The following SEC61A1 variants were observed in gnomAD, a reference collection of about 807,000 sequenced individuals.
SEC61A1 encodes SEC61 translocon subunit alpha 1, also known as protein transport protein Sec61 subunit alpha isoform 1.
Under a neutral mutation model 55.2 loss-of-function variants are expected in SEC61A1, and 15 were observed. The ratio of observed to expected loss-of-function variants is 0.27; its 90% CI spans 0.18 to 0.42. The LOEUF is 0.42. SEC61A1 is among the 10% of genes least tolerant of loss of function. SEC61A1 has a pLI of 1.00. For missense variants in SEC61A1, 284 were observed against 602.6 expected (o/e 0.47, Z 5.53); for synonymous variants, 247 against 234.0 (o/e 1.06, Z -0.51).
rs9848345 is a variant in SEC61A1 at position 128,060,377 on chromosome 3, C to T, written c.463-131C>T. 0.23 allele frequency: 260,482 copies of T among 1,127,860 alleles called. 31,459 individuals are homozygous for T. Among genetic ancestry groups the T allele is most frequent in the South Asian group, 0.26 (18,043 of 68,350 alleles). The allele number at this position is 1,127,860 out of a possible 1,614,324, so 69.9% of individuals were successfully genotyped here. Reference sequence around the variant, plus strand: ...TTCAGCAGAGAAAGGCTTTACTGACCGCTCTCTGGGGCTGAGGATGTGATC... The same window carrying T: ...TTCAGCAGAGAAAGGCTTTACTGACTGCTCTCTGGGGCTGAGGATGTGATC... On this transcript the variant is annotated intron_variant, in intron 6 of 11. Coordinates refer to ENST00000243253, the MANE Select transcript of SEC61A1 (RefSeq NM_013336.4).
In SEC61A1 at chr3:128,060,407, T is replaced by C. The variant is rs557374623; in HGVS notation, c.463-101T>C. 3.9e-5 allele frequency: 51 copies of C among 1,321,944 alleles called. No individual in the cohort carries two copies. In the South Asian group the frequency reaches 6.1e-4, roughly 16 times the overall value. 81.9% of individuals were successfully genotyped at this position (1,321,944 alleles called of 1,614,324 possible). The stretch of plus-strand genomic sequence containing the variant: ...TCTGGGGCTGAGGATGTGATCTCAT[T>C]CCGTCTTCAGCGTTTATATCAGAGA... On this transcript the variant is annotated intron_variant, in intron 6 of 11. Coordinates refer to ENST00000243253, the MANE Select transcript of SEC61A1 (RefSeq NM_013336.4).
intron 4 of SEC61A1, 67 bp from the exon 5 acceptor site, chr3:128,056,642 C>T: frequency 7.3e-7 from 1 of 1,367,354 alleles, no homozygotes; most frequent in Non-Finnish European, 9.6e-7. Context: ...TTTGCGTATT[C>T]ATTTTTAAAA....
At chr3:128,065,360 C>T (rs2107648188) in intron 8 of SEC61A1, 2 of 579,360 alleles carry the variant, frequency 3.5e-6, no homozygotes, top group East Asian at 2.8e-5. Context: ...TCTGAAACCT[C>T]ATTGCTCTCT....
Position 128,067,824 on chromosome 3 carries a change from T to C in SEC61A1, c.1168-159T>C, listed in dbSNP as rs761480556. 4.2e-6 allele frequency: 3 copies of C among 717,096 alleles called. No individual in the cohort carries two copies. The highest frequency in any genetic ancestry group is 4.8e-6 in the Non-Finnish European group (2 of 416,438). 44.4% of individuals were successfully genotyped at this position (717,096 alleles called of 1,614,324 possible). On this transcript the variant is annotated intron_variant, in intron 10 of 11. Coordinates refer to ENST00000243253, the MANE Select transcript of SEC61A1 (RefSeq NM_013336.4). The surrounding 1 kb of genome is among the most constrained non-coding windows in gnomAD (Gnocchi z 4.1). ...AGAATCTGAATCCACACTGTAAAGT[T>C]AGACTTTTTCATATGACTTCCTTGC...
At position 128,055,678 on chromosome 3, in the gene SEC61A1, C is replaced by T; in HGVS notation, c.147C>T (p.Pro49=). ...LFIFLVCCQI[P]LFGIMSSDSA... Reference sequence around the variant, plus strand: ...TGCTCTTTGCCTGTTCCCAGATTCCCCTGTTTGGGATCATGTCTTCAGATT... The same window carrying T: ...TGCTCTTTGCCTGTTCCCAGATTCCTCTGTTTGGGATCATGTCTTCAGATT... Residue 49 remains proline, a synonymous_variant, in exon 4 of 12, where the codon CCC becomes CCT. Coordinates refer to ENST00000243253, the MANE Select transcript of SEC61A1 (RefSeq NM_013336.4). The T allele has an allele frequency of 6.2e-7, 1 of 1,614,008 alleles. No homozygotes were observed. The highest frequency in any genetic ancestry group is 8.5e-7 in the Non-Finnish European group (1 of 1,179,912).
At chr3:128,058,030 T>A (rs1252739855) in intron 5 of SEC61A1, among the ~76,000 whole-genome samples, 1 of 152,128 alleles carries the variant, frequency 6.6e-6, no homozygotes, top group African/African-American at 2.4e-5. Context: ...TAAGTGTTAC[T>A]AGTAACAATT....
intron 8 of SEC61A1, 137 bp from the exon 9 acceptor site, chr3:128,066,817 G>A (rs1055539554): frequency 1.9e-5 from 14 of 751,940 alleles, no homozygotes; most frequent in African/African-American, 7.0e-5. Context: ...ACAAGCTCTC[G>A]GAACTGGGAG....
Position 128,069,493 on chromosome 3 carries a change from C to A in SEC61A1, c.1262C>A (p.Ala421Glu). 6.2e-7 allele frequency: 1 copy of A among 1,612,438 alleles called. No homozygotes were observed. Among genetic ancestry groups the A allele is most frequent in the Non-Finnish European group, 8.5e-7 (1 of 1,180,000 alleles). Residue 421 changes from alanine (A) to glutamate (E), a missense_variant, in exon 12 of 12, where the codon GCG becomes GAG. Transcript: ENST00000243253. ...HELNRYIPTAAAFGGLCIGAL... is the reference protein window; with the variant it reads ...HELNRYIPTAEAFGGLCIGAL... ...TCCCCCAGGTACATCCCCACAGCCGCGGCCTTTGGTGGGCTGTGCATCGGG... is the reference window on the plus strand; with the variant it reads ...TCCCCCAGGTACATCCCCACAGCCGAGGCCTTTGGTGGGCTGTGCATCGGG...
Position 128,056,828 on chromosome 3 carries a change from G to A in SEC61A1, c.340G>A (p.Gly114Arg). 2 of 1,595,120 alleles carry A rather than the reference G, an allele frequency of 1.3e-6. No homozygotes were observed. The highest frequency in any genetic ancestry group is 1.7e-6 in the Non-Finnish European group (2 of 1,170,908). ...DTPKDRALFNGAQKLFGMIIT... is the reference protein window; with the variant it reads ...DTPKDRALFNRAQKLFGMIIT... ...CCCAAAAGACCGAGCTCTCTTCAACGGAGCCCAAAAGTGTAAGAAAGATTG... is the reference window on the plus strand; with the variant it reads ...CCCAAAAGACCGAGCTCTCTTCAACAGAGCCCAAAAGTGTAAGAAAGATTG... The change falls in exon 5 of 12, where the codon GGA (glycine) becomes AGA (arginine). Residue 114 changes from glycine to arginine, a missense_variant. By Grantham distance (125) the Gly-to-Arg change is moderately radical. Coordinates refer to ENST00000243253, the MANE Select transcript of SEC61A1 (RefSeq NM_013336.4).
intron 7 of SEC61A1, among the ~76,000 whole-genome samples, chr3:128,062,087 AG>A (rs1179718017): frequency 6.6e-6 from 1 of 152,240 alleles, no homozygotes; most frequent in Non-Finnish European, 1.5e-5. Context: ...AAGTTGAGAG[AG>A]GGGACCAGAG....
upstream of SEC61A1, chr3:128,051,660 G>C: frequency 2.1e-6 from 3 of 1,417,160 alleles, no homozygotes; most frequent in Non-Finnish European, 2.8e-6. Context: ...GCCATGCTTT[G>C]CCCACAACAG....
chr3:128,060,425 A>G, intron 6 of SEC61A1, 83 bp from the exon 7 acceptor site: 1 of 1,444,720 alleles, frequency 6.9e-7, no homozygotes, highest in South Asian at 1.2e-5. Context: ...CAGCGTTTAT[A>G]TCAGAGAACC....
intron 2 of SEC61A1, among the ~76,000 whole-genome samples, 167 bp from the exon 3 acceptor site, chr3:128,055,349 G>C (rs985063955): frequency 6.6e-6 from 1 of 152,188 alleles, no homozygotes; most frequent in Non-Finnish European, 1.5e-5. Flanking sequence ...AGGAAGTTAC[G>C]CAGTACATGG....
intron 2 of SEC61A1, among the ~76,000 whole-genome samples, chr3:128,053,527 T>C (rs1941722820): frequency 6.6e-6 from 1 of 152,220 alleles, no homozygotes; most frequent in African/African-American, 2.4e-5. Flanking sequence ...AAAAGTTTCA[T>C]TAGGTTCCTA....
chr3:128,064,842 C>T (rs768136095), intron 7 of SEC61A1, 35 bp from the exon 8 acceptor site: 24 of 1,535,772 alleles, frequency 1.6e-5, no homozygotes, highest in East Asian at 2.3e-5. Context: ...GTTGCCTGTT[C>T]GTTCCTTCAT....
Position 128,069,664 on chromosome 3 carries a change from C to T in SEC61A1, c.*2C>T. 2 of 1,613,708 alleles carry T rather than the reference C, an allele frequency of 1.2e-6. No homozygotes were observed. Among genetic ancestry groups the T allele is most frequent in the Non-Finnish European group, 1.7e-6 (2 of 1,179,826 alleles). On this transcript the variant is annotated 3_prime_UTR_variant, in exon 12 of 12. Transcript: ENST00000243253. ...AGCATGGGGGCCCTGCTCTTCTGAG[C>T]CCGTCTCCCGGACAGGTTGAGGAAG...
Position 128,067,157 on chromosome 3 carries a change from T to C in SEC61A1, c.975+6T>C. ...GCCTGCTGGGCACCTGGTCGGTAAGTAGGCTCTTTGAAGATGAGCTAGCAA... is the reference window on the plus strand; with the variant it reads ...GCCTGCTGGGCACCTGGTCGGTAAGCAGGCTCTTTGAAGATGAGCTAGCAA... On this transcript the variant is annotated splice_donor_region_variant and intron_variant, in intron 9 of 11. Coordinates refer to ENST00000243253, the MANE Select transcript of SEC61A1 (RefSeq NM_013336.4). The surrounding 1 kb of genome is among the most constrained non-coding windows in gnomAD (Gnocchi z 4.1). The C allele has an allele frequency of 1.9e-6, 3 of 1,613,840 alleles. No individual in the cohort carries two copies. The highest frequency in any genetic ancestry group is 2.2e-5 in the East Asian group (1 of 44,888).
At chr3:128,059,038 A>T (rs1341465906) in intron 5 of SEC61A1, among the ~76,000 whole-genome samples, 1 of 151,584 alleles carries the variant, frequency 6.6e-6, no homozygotes, top group Non-Finnish European at 1.5e-5. Flanking sequence ...ATTTTACATG[A>T]CAGATTAAAT....
intron 7 of SEC61A1, among the ~76,000 whole-genome samples, chr3:128,061,899 G>T (rs146082692): frequency 6.6e-6 from 1 of 152,192 alleles, no homozygotes. Flanking sequence ...AGTAGTAGCC[G>T]CCAGAGGCTC....
Sources: allele counts gnomAD v4.1 joint callset (sites outside exome capture counted in the v4.1 genomes callset), GRCh38; gene constraint gnomAD v4.1.1; non-coding constraint Gnocchi (gnomAD v3.1); transcripts MANE v1.5; gene names NCBI Gene and HGNC (gene_info 2026-07-23, HGNC 2026-07-21).